CMBL: variants seen among roughly 807,000 people sequenced by gnomAD.
The protein encoded by CMBL is carboxymethylenebutenolidase homolog.
CMBL carries 17 observed loss-of-function variants against 28.7 expected under a neutral mutation model. The ratio of observed to expected loss-of-function variants is 0.59; its 90% CI spans 0.41 to 0.89. CMBL has a LOEUF of 0.89. Ranked by LOEUF, CMBL falls within the 40% of genes least tolerant of loss-of-function variation. The probability of loss-of-function intolerance (pLI) is 0.00; values close to 1 mark genes in which losing one functional copy is unlikely to be tolerated. For missense variants in CMBL, 310 were observed against 298.5 expected (o/e 1.04, Z -0.28); for synonymous variants, 106 against 101.6 (o/e 1.04, Z -0.26).
chr5:10,282,408 T>C, intron 4 of CMBL, 120 bp from the exon 5 acceptor site: 4 of 626,766 alleles, frequency 6.4e-6, no homozygotes, highest in East Asian at 5.7e-5. Context: ...TTGGGTTTGA[T>C]TTTTCAAAGT....
intron 1 of CMBL, among the ~76,000 whole-genome samples, chr5:10,291,534 G>A (rs187721932): frequency 0.026 from 3,983 of 151,084 alleles, 132 homozygotes; most frequent in South Asian, 0.14. Flanking sequence ...GGTGGTGGGC[G>A]CCTGTAGTCC....
chr5:10,279,264 A>G lies in CMBL; in HGVS notation c.*1189T>C, dbSNP rs1431794491. 2 of 152,218 alleles carry G rather than the reference A, an allele frequency of 1.3e-5. No homozygotes were observed. Among genetic ancestry groups the G allele is most frequent in the Non-Finnish European group, 2.9e-5 (2 of 68,044 alleles). 9.4% of individuals were successfully genotyped at this position (152,218 alleles called of 1,614,324 possible). ...CACCGTTCTCTGCTATCTTTTTAAA[A>G]AAGCTGCAAATTCAAAAATTCAAAA... On this transcript the variant is annotated 3_prime_UTR_variant, in exon 6 of 6. Coordinates refer to ENST00000296658, the MANE Select transcript of CMBL (RefSeq NM_138809.4).
chr5:10,280,554 C>G lies in CMBL; in HGVS notation c.637G>C (p.Gly213Arg), dbSNP rs1373607595. 1 of 1,613,896 alleles carries G rather than the reference C, an allele frequency of 6.2e-7. No individual in the cohort carries two copies. The highest frequency in any genetic ancestry group is 8.5e-7 in the Non-Finnish European group (1 of 1,179,800). The change falls in exon 6 of 6, where the codon GGG (glycine) becomes CGG (arginine). Residue 213 changes from glycine to arginine, a missense_variant. Physicochemically the swap from Gly to Arg is moderately radical, Grantham distance 125. Coordinates refer to ENST00000296658, the MANE Select transcript of CMBL (RefSeq NM_138809.4). ...TCTTCTCTCTTCCGATGCACGAACCCATGAGTCTGCCCAGAAAATGTTTTA... is the reference window on the plus strand; with the variant it reads ...TCTTCTCTCTTCCGATGCACGAACCGATGAGTCTGCCCAGAAAATGTTTTA... ...QIKTFSGQTH[G>R]FVHRKREDCS...
chr5:10,293,846 G>C (rs1561064606), intron 1 of CMBL, among the ~76,000 whole-genome samples: 1 of 152,192 alleles, frequency 6.6e-6, no homozygotes, highest in East Asian at 1.9e-4. Flanking sequence ...ACATTCTAGT[G>C]GGATGAAATA....
intron 1 of CMBL, among the ~76,000 whole-genome samples, chr5:10,293,524 A>C (rs78835418): frequency 0.017 from 2,656 of 152,340 alleles, 47 homozygotes; most frequent in South Asian, 0.051. Context: ...CATCACCTTG[A>C]GGGTTAGGAT....
intron 5 of CMBL, among the ~76,000 whole-genome samples, chr5:10,281,913 A>C (rs1746502194): frequency 6.6e-6 from 1 of 151,502 alleles, no homozygotes; most frequent in Non-Finnish European, 1.5e-5. Flanking sequence ...TAATCCCATC[A>C]CTTTGGGAGG....
At chr5:10,282,092 G>A (rs1465931261) in intron 5 of CMBL, 105 bp downstream of exon 5, 17 of 736,250 alleles carry the variant, frequency 2.3e-5, no homozygotes, top group Admixed American at 1.5e-4. Flanking sequence ...CCTGGGAGGT[G>A]GAGGTTGCAG....
At chr5:10,294,199 G>A (rs1482051462) in intron 1 of CMBL, among the ~76,000 whole-genome samples, 1 of 152,204 alleles carries the variant, frequency 6.6e-6, no homozygotes, top group African/African-American at 2.4e-5. Context: ...GAGTTTTACT[G>A]GAAGAATTTA....
At chr5:10,305,179 C>T (rs1362188453) in intron 1 of CMBL, among the ~76,000 whole-genome samples, 6 of 152,152 alleles carry the variant, frequency 3.9e-5, no homozygotes, top group South Asian at 2.1e-4. Context: ...GAAATCAGGA[C>T]GCTTTTCCTA....
At chr5:10,291,165 G>A (rs190332269) in intron 1 of CMBL, among the ~76,000 whole-genome samples, 1 of 152,254 alleles carries the variant, frequency 6.6e-6, no homozygotes, top group African/African-American at 2.4e-5. Context: ...CGGGTGCTTA[G>A]GATTTTGTGT....
chr5:10,298,543 G>A (rs1003892069), intron 1 of CMBL, among the ~76,000 whole-genome samples: 7 of 152,202 alleles, frequency 4.6e-5, no homozygotes, highest in African/African-American at 1.7e-4. Context: ...GATGCATCAT[G>A]ATATCATGAT....
chr5:10,299,676 C>CAA (rs56874867), intron 1 of CMBL, among the ~76,000 whole-genome samples: 10 of 124,974 alleles, frequency 8.0e-5, no homozygotes, highest in East Asian at 4.4e-4. Context: ...CCCATCTCTC[C>CAA]AAAAAAAAAA....
chr5:10,282,275 A>T lies in CMBL; in HGVS notation c.480T>A (p.Asp160Glu), dbSNP rs765330987. The change falls in exon 5 of 6, where the codon GAT becomes GAA. Residue 160 changes from aspartate to glutamate, a missense_variant. Physicochemically the swap from Asp to Glu is conservative, Grantham distance 45 (BLOSUM62 2). Transcript: ENST00000296658. The part of the protein sequence containing the change: ...AGVSVYGIVK[D>E]SEDIYNLKNP... The stretch of plus-strand genomic sequence containing the variant: ...TCTTTAAATTGTAAATGTCTTCAGA[A>T]TCCTTGACAATGCCTGAAAAACAAG... The T allele has an allele frequency of 2.0e-5, 32 of 1,605,292 alleles. No individual in the cohort carries two copies. The highest frequency in any genetic ancestry group is 3.3e-4 in the Middle Eastern group (2 of 6,074).
In CMBL at chr5:10,281,544, T is replaced by C. The variant is rs569926618; in HGVS notation, c.558+653A>G. On this transcript the variant is annotated intron_variant, in intron 5 of 5. Transcript: ENST00000296658. ...AATGACTGCTTTTGAACCATACTTT[T>C]CTTCTGCTTTTTCCTTATCAACTGA... is the stretch of plus-strand genomic sequence containing the variant. Among the ~76,000 whole-genome samples, 3 of 152,320 alleles carry C rather than the reference T, an allele frequency of 2.0e-5. No individual in the cohort carries two copies. The South Asian group carries it at 6.2e-4, about 32-fold the overall frequency.
chr5:10,290,029 CCAGA>C (rs1290729645), intron 2 of CMBL, among the ~76,000 whole-genome samples: 2 of 152,178 alleles, frequency 1.3e-5, no homozygotes, highest in African/African-American at 4.8e-5. Context: ...GGCCACTTGG[CCAGA>C]CAAAGAGGTA....
intron 1 of CMBL, among the ~76,000 whole-genome samples, chr5:10,302,594 T>C (rs936525646): frequency 2.0e-5 from 3 of 150,336 alleles, no homozygotes; most frequent in Non-Finnish European, 4.4e-5. Flanking sequence ...AGCGAGACTC[T>C]GTCTCAAAAA....
Position 10,289,394 on chromosome 5 carries a change from G to A in CMBL, c.216-865C>T, listed in dbSNP as rs1044157775. On this transcript the variant is annotated intron_variant, in intron 2 of 5. Coordinates refer to ENST00000296658, the MANE Select transcript of CMBL (RefSeq NM_138809.4). This position sits in a 1 kb window ranked among gnomAD's most constrained non-coding sequence, Gnocchi z 4.3. ...CCTGTGAAAGGGCTTTGTAAAACAG[G>A]GGTCTTTCCTTATCTTTTATGTCCT... Among the ~76,000 whole-genome samples, 13 of 152,196 alleles carry A rather than the reference G, an allele frequency of 8.5e-5. No homozygotes were observed. The highest frequency in any genetic ancestry group is 5.9e-4 in the Admixed American group (9 of 15,272).
At chr5:10,291,429 G>C (rs913064793) in intron 1 of CMBL, among the ~76,000 whole-genome samples, 20 of 152,220 alleles carry the variant, frequency 1.3e-4, no homozygotes, top group Admixed American at 5.2e-4. Context: ...TTGGGAGGCC[G>C]AGGCGGGCGG....
In CMBL at chr5:10,297,266, T is replaced by A. The variant is rs1323622423; in HGVS notation, c.-19-6485A>T. 2.0e-5 allele frequency among the ~76,000 whole-genome samples: 3 copies of A among 148,668 alleles called. No homozygotes were observed. In the East Asian group the frequency reaches 6.1e-4, roughly 30 times the overall value. On this transcript the variant is annotated intron_variant, in intron 1 of 5. Transcript: ENST00000296658. ...AACACAGAAAACTCTTAGAAGACTT[T>A]TGACAGAAAAAGGAGCAAAGAGGCC...
Sources: gnomAD v4.1 joint callset for allele counts (sites outside exome capture counted in the v4.1 genomes callset) on GRCh38, gnomAD v4.1.1 for gene constraint, Gnocchi (gnomAD v3.1) non-coding constraint, MANE v1.5 for transcripts, NCBI Gene and HGNC (gene_info 2026-07-23, HGNC 2026-07-21) for gene names.